Variants in MARCHF1 observed in about 807,000 individuals in gnomAD.
The protein encoded by MARCHF1 is membrane associated ring-CH-type finger 1.
Under a neutral mutation model 54.2 loss-of-function variants are expected in MARCHF1, and 40 were observed. That is an observed-to-expected ratio of 0.74 (90% CI 0.57 to 0.96). The LOEUF (loss-of-function observed/expected upper bound fraction) is 0.96, where lower values mean the gene tolerates loss of function less well. Among genes scored for constraint, MARCHF1 ranks in the 40% least tolerant of loss-of-function variants. MARCHF1 has a pLI of 0.00. For synonymous variants in MARCHF1, 236 were observed against 236.3 expected (o/e 1.00, Z 0.01); for missense variants, 586 against 656.5 (o/e 0.89, Z 1.17).
At chr4:163,745,834 T>C (rs968213289) in intron 4 of MARCHF1, among the ~76,000 whole-genome samples, 2 of 128,952 alleles carry the variant, frequency 1.6e-5, no homozygotes, top group African/African-American at 5.5e-5. Context: ...CATAGTCTTA[T>C]AGTTTAAAAA....
chr4:163,837,323 A>G (rs1038928116), intron 4 of MARCHF1, among the ~76,000 whole-genome samples: 2 of 152,218 alleles, frequency 1.3e-5, no homozygotes, highest in African/African-American at 2.4e-5. Context: ...CAATACAAAA[A>G]AAAAGTAAGA....
chr4:164,263,182 A>T (rs1304330915), intron 1 of MARCHF1, among the ~76,000 whole-genome samples: 2 of 152,088 alleles, frequency 1.3e-5, no homozygotes, highest in Non-Finnish European at 2.9e-5. Flanking sequence ...AGAAAGAGGT[A>T]GACCTAGGAA....
chr4:163,911,147 G>A (rs999474614), intron 3 of MARCHF1, among the ~76,000 whole-genome samples: 9 of 152,114 alleles, frequency 5.9e-5, no homozygotes, highest in African/African-American at 2.2e-4. Context: ...TGATGCTGTG[G>A]TTTGGACTAC....
At chr4:164,074,937 T>C (rs1476414457) in intron 2 of MARCHF1, among the ~76,000 whole-genome samples, 1 of 151,734 alleles carries the variant, frequency 6.6e-6, no homozygotes, top group Non-Finnish European at 1.5e-5. Flanking sequence ...TAATTTCTTA[T>C]AAAAATGCCA....
intron 9 of MARCHF1, among the ~76,000 whole-genome samples, chr4:163,532,348 T>A (rs1351306687): frequency 2.6e-5 from 4 of 151,866 alleles, no homozygotes; most frequent in Admixed American, 2.6e-4. Context: ...GATAGTCTTT[T>A]TAACAAATGG....
intron 1 of MARCHF1, among the ~76,000 whole-genome samples, chr4:164,279,646 C>T (rs1373947015): frequency 6.6e-6 from 1 of 151,334 alleles, no homozygotes; most frequent in Non-Finnish European, 1.5e-5. Context: ...CTGTATCCCA[C>T]GAATATGTAC....
At position 164,251,482 on chromosome 4, in the gene MARCHF1, A is replaced by G. The variant is rs185474096; in HGVS notation, c.-323+132388T>C. ...AATCCTGCACAGCCCCACAGATGCC[A>G]AATTTTAGCCTCAGGCCAAACAGAA... On this transcript the variant is annotated intron_variant, in intron 1 of 9. Transcript: ENST00000514618. Among the ~76,000 whole-genome samples the G allele has an allele frequency of 3.1e-3, 473 of 152,300 alleles. 1 individual carries two copies. The highest frequency in any genetic ancestry group is 0.011 in the African/African-American group (452 of 41,572).
intron 1 of MARCHF1, among the ~76,000 whole-genome samples, chr4:164,219,948 G>C (rs1169377036): frequency 6.6e-6 from 1 of 151,824 alleles, no homozygotes; most frequent in Admixed American, 6.6e-5. Context: ...TCAATTTACA[G>C]ATTTCTATCC....
At chr4:164,146,442 C>T (rs1244135894) in intron 1 of MARCHF1, among the ~76,000 whole-genome samples, 1 of 152,062 alleles carries the variant, frequency 6.6e-6, no homozygotes, top group African/African-American at 2.4e-5. Flanking sequence ...GCTATAGTAA[C>T]CAAAACAGCA....
chr4:163,582,309 T>C (rs1047022406), intron 8 of MARCHF1, among the ~76,000 whole-genome samples: 4 of 152,220 alleles, frequency 2.6e-5, no homozygotes, highest in Non-Finnish European at 4.4e-5. Context: ...GCTGGGCTAC[T>C]GACTTAAAGA....
intron 4 of MARCHF1, among the ~76,000 whole-genome samples, chr4:163,763,392 C>T (rs75925711): frequency 3.6e-3 from 546 of 152,112 alleles, no homozygotes; most frequent in African/African-American, 0.012. Flanking sequence ...ATTTTATTTA[C>T]CAAGGTTTAC....
At chr4:163,568,698 A>G (rs1339364739) in intron 8 of MARCHF1, among the ~76,000 whole-genome samples, 2 of 152,068 alleles carry the variant, frequency 1.3e-5, no homozygotes, top group Non-Finnish European at 2.9e-5. Flanking sequence ...TGGCCAGTGT[A>G]CCTTGGGAAA....
chr4:163,856,773 G>C (rs1749776804), intron 3 of MARCHF1, among the ~76,000 whole-genome samples: 1 of 152,150 alleles, frequency 6.6e-6, no homozygotes, highest in Admixed American at 6.6e-5. Flanking sequence ...CACTTTGGGA[G>C]GCCGAGGTGG....
chr4:163,924,256 A>G (rs1043410990), intron 3 of MARCHF1, among the ~76,000 whole-genome samples: 1 of 152,080 alleles, frequency 6.6e-6, no homozygotes, highest in East Asian at 1.9e-4. Context: ...TTAGAAAGTA[A>G]TCAAAGGAGT....
At chr4:164,057,777 A>G (rs1298239534) in intron 2 of MARCHF1, among the ~76,000 whole-genome samples, 1 of 152,214 alleles carries the variant, frequency 6.6e-6, no homozygotes, top group East Asian at 1.9e-4. Context: ...AATATAAACT[A>G]TCTTAATAAG....
At chr4:164,110,018 C>A (rs1278476915) in intron 2 of MARCHF1, among the ~76,000 whole-genome samples, 2 of 149,086 alleles carry the variant, frequency 1.3e-5, no homozygotes, top group African/African-American at 2.5e-5. Context: ...CACTTAGGAG[C>A]TGATATATGG....
At chr4:163,970,017 C>A (rs1752518130) in intron 3 of MARCHF1, among the ~76,000 whole-genome samples, 1 of 152,040 alleles carries the variant, frequency 6.6e-6, no homozygotes, top group Non-Finnish European at 1.5e-5. Context: ...ATAATTAGGG[C>A]AAAGCAAGAG....
Position 164,092,452 on chromosome 4 carries a change from A to G in MARCHF1, c.-248+19136T>C, listed in dbSNP as rs118192069. On this transcript the variant is annotated intron_variant, in intron 2 of 9. Coordinates refer to ENST00000514618, the MANE Select transcript of MARCHF1 (RefSeq NM_001394959.1). ...GGGGGAGCTGACTGAGGGCTCAGTT[A>G]AGGCATTCTGTGAAGTTGGAGTGAA... 3.1e-4 allele frequency among the ~76,000 whole-genome samples: 47 copies of G among 152,250 alleles called. 1 individual carries two copies. The East Asian group carries it at 6.4e-3, about 21-fold the overall frequency.
chr4:164,049,763 G>A (rs1359953643), intron 2 of MARCHF1, among the ~76,000 whole-genome samples: 2 of 152,134 alleles, frequency 1.3e-5, no homozygotes, highest in Admixed American at 6.5e-5. Context: ...CTGCACACAT[G>A]TATACACACA....
Sources: gnomAD v4.1 joint callset for allele counts (sites outside exome capture counted in the v4.1 genomes callset) on GRCh38, gnomAD v4.1.1 for gene constraint, MANE v1.5 for transcripts, NCBI Gene and HGNC (gene_info 2026-07-23, HGNC 2026-07-21) for gene names.